TEX2: variants seen among roughly 807,000 people sequenced by gnomAD.
TEX2 encodes testis-expressed protein 2.
In TEX2, 53 loss-of-function variants were observed where a neutral mutation model predicts 106.9. The observed-to-expected ratio is 0.50, with a 90% CI of 0.40 to 0.62. TEX2 has a LOEUF of 0.62. TEX2 is among the 20% of genes least tolerant of loss of function. The pLI is 0.00. For synonymous variants in TEX2, 523 were observed against 534.8 expected (o/e 0.98, Z 0.30); for missense variants, 1,207 against 1,379.0 (o/e 0.88, Z 1.98).
intron 7 of TEX2, among the ~76,000 whole-genome samples, chr17:64,163,720 C>T (rs1459348447): frequency 6.6e-6 from 1 of 152,186 alleles, no homozygotes; most frequent in African/African-American, 2.4e-5. Context: ...ATGAAATTCA[C>T]AGTTACTAGA....
chr17:64,229,495 TG>T (rs1277935131), intron 1 of TEX2, among the ~76,000 whole-genome samples: 1 of 151,928 alleles, frequency 6.6e-6, no homozygotes, highest in Admixed American at 6.5e-5. Context: ...TTTAATTGTA[TG>T]GGTTTTTTTT....
intron 5 of TEX2, among the ~76,000 whole-genome samples, chr17:64,181,824 ATTT>A (rs67787101): frequency 6.9e-6 from 1 of 145,030 alleles, no homozygotes; most frequent in Non-Finnish European, 1.5e-5. Flanking sequence ...CTGGTTTTGT[ATTT>A]TTTTTTTTTT....
chr17:64,218,874 T>A (rs1308726858), intron 1 of TEX2, among the ~76,000 whole-genome samples: 2 of 152,100 alleles, frequency 1.3e-5, no homozygotes, highest in East Asian at 3.9e-4. Flanking sequence ...TCACTTAGAC[T>A]GGAGGCCTAG....
chr17:64,247,491 C>A (rs892717258), intron 1 of TEX2, among the ~76,000 whole-genome samples: 12 of 151,876 alleles, frequency 7.9e-5, no homozygotes, highest in African/African-American at 2.9e-4. Context: ...CCTCAAAGGT[C>A]TTCTAGGATT....
chr17:64,208,248 T>C (rs1598180098), intron 2 of TEX2, among the ~76,000 whole-genome samples: 1 of 152,216 alleles, frequency 6.6e-6, no homozygotes, highest in East Asian at 1.9e-4. Flanking sequence ...GTTTTTGTTT[T>C]GTTTTTTTGA....
At position 64,212,787 on chromosome 17, in the gene TEX2, G is replaced by A; in HGVS notation, c.1431C>T (p.Gly477=). The change falls in exon 2 of 12, where the codon GGC becomes GGT. Residue 477 remains glycine, a synonymous_variant. Coordinates refer to ENST00000584379, the MANE Select transcript of TEX2 (RefSeq NM_001288732.2). ...ACACATAGACACACATTATAAAGAA[G>A]CCCAACGTCTTCACTGGCAATTCCG... ...QHPELPVKTL[G]FFIMCVYVYL... is the part of the protein sequence containing the mutation. The A allele has an allele frequency of 1.2e-6, 2 of 1,614,110 alleles. No homozygotes were observed. The highest frequency in any genetic ancestry group is 1.7e-6 in the Non-Finnish European group (2 of 1,180,036).
At chr17:64,196,927 A>G (rs1315315340) in intron 2 of TEX2, among the ~76,000 whole-genome samples, 1 of 150,804 alleles carries the variant, frequency 6.6e-6, no homozygotes, top group African/African-American at 2.4e-5. Flanking sequence ...GTAGCTTTCA[A>G]CTGGCAACAG....
rs3070736 is a variant in TEX2, at chr17:64,168,902, C to CTTTTTTTTT, written c.2671+2189_2671+2197dup. Reference sequence around the variant, plus strand: ...CTATGCAGTGAACACATAGATGGTGCTTTTTTTTTTTTTTTTTGAGACAGA... The same window carrying CTTTTTTTTT: ...CTATGCAGTGAACACATAGATGGTGCTTTTTTTTTTTTTTTTTTTTTTTTTTGAGACAGA... On this transcript the variant is annotated intron_variant, in intron 7 of 11. Coordinates refer to ENST00000584379, the MANE Select transcript of TEX2 (RefSeq NM_001288732.2). 7.8e-3 allele frequency among the ~76,000 whole-genome samples: 832 copies of CTTTTTTTTT among 106,786 alleles called. 40 individuals carry two copies. Among genetic ancestry groups the CTTTTTTTTT allele is most frequent in the Non-Finnish European group, 8.5e-3 (467 of 55,208 alleles). 70.1% of individuals were successfully genotyped at this position (106,786 alleles called of 152,430 possible).
intron 6 of TEX2, among the ~76,000 whole-genome samples, chr17:64,172,136 C>T (rs995400169): frequency 2.0e-5 from 3 of 151,986 alleles, no homozygotes; most frequent in South Asian, 4.1e-4. Context: ...GGGCGGATCA[C>T]GAGGTCAAGA....
At chr17:64,191,843 A>G (rs1362041534) in intron 4 of TEX2, among the ~76,000 whole-genome samples, 1 of 117,388 alleles carries the variant, frequency 8.5e-6, no homozygotes, top group Admixed American at 8.9e-5. Flanking sequence ...AAAAAAAAAA[A>G]GAAAGAAAGA....
chr17:64,251,983 G>A (rs1476952523), intron 1 of TEX2, among the ~76,000 whole-genome samples: 3 of 152,126 alleles, frequency 2.0e-5, no homozygotes, highest in Admixed American at 6.5e-5. Context: ...CTACCCTCTA[G>A]GAAGAGAGGA....
rs560302753 is a variant in TEX2, at chr17:64,193,603, T to G, written c.2132A>C (p.Lys711Thr). 113 of 1,448,546 alleles carry G rather than the reference T, an allele frequency of 7.8e-5. 3 individuals are homozygous for G. The South Asian group carries it at 1.4e-3, about 18-fold the overall frequency. 89.7% of individuals were successfully genotyped at this position (1,448,546 alleles called of 1,614,324 possible). A position where few individuals can be genotyped will look rare whatever the true frequency, so the allele number is the denominator to read the frequency against. The change falls in exon 4 of 12, where the codon AAG becomes ACG. Residue 711 changes from lysine (K) to threonine (T), a missense_variant. This residue lies in a region of TEX2 where 1,067 missense variants were observed against 1,193.6 expected (regional missense o/e 0.89). Coordinates refer to ENST00000584379, the MANE Select transcript of TEX2 (RefSeq NM_001288732.2). ...ACCCGATGACTTCTTGATTTCCGACTTTAGCTTAGATGCCAGAATAAATCT... is the reference window on the plus strand; with the variant it reads ...ACCCGATGACTTCTTGATTTCCGACGTTAGCTTAGATGCCAGAATAAATCT... ...FRRFILASKL[K>T]SEIKKSSGVS... is the part of the protein sequence containing the mutation.
chr17:64,213,527 C>T lies in TEX2; in HGVS notation c.691G>A (p.Asp231Asn). 1 of 1,614,112 alleles carries T rather than the reference C, an allele frequency of 6.2e-7. No individual in the cohort carries two copies. Among genetic ancestry groups the T allele is most frequent in the Non-Finnish European group, 8.5e-7 (1 of 1,180,004 alleles). The change falls in exon 2 of 12, where the codon GAT (aspartate) becomes AAT (asparagine). Residue 231 changes from aspartate (D) to asparagine (N), a missense_variant. Asp to Asn is a conservative substitution (Grantham distance 23). Coordinates refer to ENST00000584379, the MANE Select transcript of TEX2 (RefSeq NM_001288732.2). The surrounding 1 kb of genome is among the most constrained non-coding windows in gnomAD (Gnocchi z 4.4). ...LSTDTSRQES[D>N]TVSYKPPDSK... ...TCAGGTGGCTTATAGGACACTGTATCCGACTCCTGCCGGGAAGTGTCCGTG... is the reference window on the plus strand; with the variant it reads ...TCAGGTGGCTTATAGGACACTGTATTCGACTCCTGCCGGGAAGTGTCCGTG...
At chr17:64,218,441 C>T (rs1386271292) in intron 1 of TEX2, among the ~76,000 whole-genome samples, 1 of 119,516 alleles carries the variant, frequency 8.4e-6, no homozygotes, top group Non-Finnish European at 1.6e-5. Flanking sequence ...TTTTTAAAGA[C>T]AGAGTCTTGC....
At chr17:64,254,570 C>T (rs1256502784) in intron 1 of TEX2, among the ~76,000 whole-genome samples, 2 of 152,204 alleles carry the variant, frequency 1.3e-5, no homozygotes, top group African/African-American at 4.8e-5. Flanking sequence ...TGCACAGAGG[C>T]ACTGCTACAG....
chr17:64,160,790 T>C lies in TEX2; in HGVS notation c.2804+11A>G. ...AGGATTGGATTAGTAAATTCATATA[T>C]AGCCCCTTACCCTTCTTTGCCAATT... is the stretch of plus-strand genomic sequence containing the variant. On this transcript the variant is annotated intron_variant, in intron 8 of 11. Coordinates refer to ENST00000584379, the MANE Select transcript of TEX2 (RefSeq NM_001288732.2). 2 of 1,613,420 alleles carry C rather than the reference T, an allele frequency of 1.2e-6. No individual in the cohort carries two copies. The highest frequency in any genetic ancestry group is 1.7e-6 in the Non-Finnish European group (2 of 1,179,742).
At chr17:64,194,444 GT>G (rs1172160048) in intron 3 of TEX2, among the ~76,000 whole-genome samples, 16 of 152,314 alleles carry the variant, frequency 1.1e-4, no homozygotes, top group African/African-American at 3.1e-4. Flanking sequence ...AAAAATAGAA[GT>G]ATATAATACT....
At position 64,213,607 on chromosome 17, in the gene TEX2, G is replaced by A; in HGVS notation, c.611C>T (p.Ser204Phe). The A allele has an allele frequency of 6.2e-7, 1 of 1,614,142 alleles. No homozygotes were observed. The highest frequency in any genetic ancestry group is 8.5e-7 in the Non-Finnish European group (1 of 1,179,992). The change falls in exon 2 of 12, where the codon TCC becomes TTC. Residue 204 changes from serine (S) to phenylalanine (F), a missense_variant. Physicochemically the swap from Ser to Phe is radical, Grantham distance 155 (BLOSUM62 -2). Around this residue, in one of 3 missense-constraint regions of TEX2, gnomAD observed 1,067 missense variants for 1,193.6 expected, o/e 0.89. Transcript: ENST00000584379. The surrounding 1 kb of genome is among the most constrained non-coding windows in gnomAD (Gnocchi z 4.4). ...SLSTEVEPKE[S>F]PHPARHRHLM... ...GTGCCTGTGCCTTGCGGGGTGTGGGGATTCTTTTGGCTCCACCTCGGTCGA... is the reference window on the plus strand; with the variant it reads ...GTGCCTGTGCCTTGCGGGGTGTGGGAATTCTTTTGGCTCCACCTCGGTCGA...
intron 1 of TEX2, among the ~76,000 whole-genome samples, chr17:64,222,518 C>CAAAAAAAAA (rs11296538): frequency 2.0e-5 from 2 of 99,150 alleles, no homozygotes; most frequent in African/African-American, 3.8e-5. Context: ...TTCCAACTCA[C>CAAAAAAAAA]AAAAAAAAAA....
Sources: gnomAD v4.1 joint callset for allele counts (sites outside exome capture counted in the v4.1 genomes callset) on GRCh38, gnomAD v4.1.1 for gene constraint, gnomAD v4.1.1 regional missense constraint, Gnocchi (gnomAD v3.1) non-coding constraint, MANE v1.5 for transcripts, NCBI Gene and HGNC (gene_info 2026-07-23, HGNC 2026-07-21) for gene names.